C12orf75: variants seen among roughly 807,000 people sequenced by gnomAD.
The protein encoded by C12orf75 is overexpressed in colon carcinoma 1 protein.
C12orf75 carries 4 observed loss-of-function variants against 11.4 expected under a neutral mutation model. The ratio of observed to expected loss-of-function variants is 0.35; its 90% CI spans 0.17 to 0.80. The LOEUF is 0.80. Among genes scored for constraint, C12orf75 ranks in the 30% least tolerant of loss-of-function variants. The pLI is 0.52. For synonymous variants in C12orf75, 30 were observed against 30.0 expected, an observed-to-expected ratio of 1.00 and a Z score of 0.00; for missense variants, 89 against 80.4, an observed-to-expected ratio of 1.11 and a Z score of -0.41.
At chr12:105,370,473 C>T (rs1167251215) in intron 5 of C12orf75, among the ~76,000 whole-genome samples, 161 bp from the exon 6 acceptor site, 1 of 152,184 alleles carries the variant, frequency 6.6e-6, no homozygotes, top group African/African-American at 2.4e-5. Context: ...ATGCTTGGCT[C>T]TACACTGGCC....
At chr12:105,341,541 G>C (rs371872816) in intron 1 of C12orf75, among the ~76,000 whole-genome samples, 2 of 152,170 alleles carry the variant, frequency 1.3e-5, no homozygotes, top group Admixed American at 6.5e-5. Context: ...TGATTTGCTA[G>C]AATAGCTCAC....
In C12orf75 at chr12:105,368,776, A is replaced by G. The variant is rs968739375; in HGVS notation, c.*33+1267A>G. On this transcript the variant is annotated intron_variant, in intron 5 of 5. Transcript: ENST00000443585. ...AACCAGTTTCTTCCTGACAAGAACT[A>G]GAACAATCTGTGGGTAGCTACTTCT... is the stretch of plus-strand genomic sequence containing the variant. 3.4e-4 allele frequency among the ~76,000 whole-genome samples: 52 copies of G among 152,210 alleles called. 1 individual carries two copies. Among genetic ancestry groups the G allele is most frequent in the African/African-American group, 1.2e-3 (50 of 41,454 alleles).
rs561434255 is a variant in C12orf75, at chr12:105,342,915, C to T, written c.47-5687C>T. ...ATTTTTAATTAACTGAGACTTCTGT[C>T]ATTGAGACTGATGAATAAAATGTTA... is the stretch of plus-strand genomic sequence containing the variant. On this transcript the variant is annotated intron_variant, in intron 1 of 5. Transcript: ENST00000443585. 2.0e-5 allele frequency among the ~76,000 whole-genome samples: 3 copies of T among 152,286 alleles called. No individual in the cohort carries two copies. In the South Asian group the frequency reaches 6.2e-4, roughly 32 times the overall value.
At chr12:105,366,069 A>C in intron 3 of C12orf75, 1 of 538,998 alleles carries the variant, frequency 1.9e-6, no homozygotes, top group Non-Finnish European at 3.3e-6. Context: ...GCGTGTGCTA[A>C]TTTTCATCCT....
chr12:105,331,021 G>T (rs1303576430), intron 1 of C12orf75, 84 bp downstream of exon 1: 2 of 863,206 alleles, frequency 2.3e-6, no homozygotes, highest in Admixed American at 4.3e-5. Context: ...TGGGTGGGGG[G>T]CGCGCAGCCC....
chr12:105,344,227 C>T (rs1892608507), intron 1 of C12orf75, among the ~76,000 whole-genome samples: 1 of 152,208 alleles, frequency 6.6e-6, no homozygotes, highest in Non-Finnish European at 1.5e-5. Flanking sequence ...TTCCTAGCTG[C>T]ATTTGTTGGC....
chr12:105,364,245 T>G (rs1871390108), intron 2 of C12orf75, among the ~76,000 whole-genome samples: 1 of 152,244 alleles, frequency 6.6e-6, no homozygotes, highest in Admixed American at 6.5e-5. Context: ...AAATCCATTT[T>G]AATTAAAAGT....
intron 1 of C12orf75, among the ~76,000 whole-genome samples, chr12:105,346,967 G>A (rs1461070487): frequency 6.6e-6 from 1 of 152,210 alleles, no homozygotes; most frequent in Non-Finnish European, 1.5e-5. Flanking sequence ...TTTGTGTTAA[G>A]TGTTTACATT....
intron 1 of C12orf75, among the ~76,000 whole-genome samples, chr12:105,335,969 AC>A (rs1892495647): frequency 6.6e-6 from 1 of 152,254 alleles, no homozygotes; most frequent in Non-Finnish European, 1.5e-5. Flanking sequence ...AGAAAATAGA[AC>A]CTCAGGAAGT....
intron 2 of C12orf75, among the ~76,000 whole-genome samples, chr12:105,356,022 G>A (rs1359560376): frequency 6.6e-6 from 1 of 152,140 alleles, no homozygotes; most frequent in African/African-American, 2.4e-5. Flanking sequence ...ATTGGCCAAT[G>A]GGCTCATCCA....
chr12:105,354,229 A>G (rs1250072970), intron 2 of C12orf75, among the ~76,000 whole-genome samples: 2 of 152,158 alleles, frequency 1.3e-5, no homozygotes, highest in Admixed American at 6.5e-5. Flanking sequence ...CCCCTTCACC[A>G]TTTGCTAGCT....
chr12:105,338,326 C>CA (rs1892521374), intron 1 of C12orf75, among the ~76,000 whole-genome samples: 1 of 152,126 alleles, frequency 6.6e-6, no homozygotes, highest in African/African-American at 2.4e-5. Flanking sequence ...AGGCATGCAC[C>CA]ACCGCACCCA....
At chr12:105,363,759 G>A (rs1798254567) in intron 2 of C12orf75, among the ~76,000 whole-genome samples, 1 of 151,346 alleles carries the variant, frequency 6.6e-6, no homozygotes, top group East Asian at 1.9e-4. Flanking sequence ...CATCTTATAA[G>A]TCTTTATAGG....
chr12:105,337,908 A>C (rs1263430417), intron 1 of C12orf75, among the ~76,000 whole-genome samples: 1 of 152,212 alleles, frequency 6.6e-6, no homozygotes, highest in Non-Finnish European at 1.5e-5. Flanking sequence ...TCCTTGCTTC[A>C]AAGTGTAACT....
chr12:105,358,831 C>G (rs1000882932), intron 2 of C12orf75, among the ~76,000 whole-genome samples: 3 of 152,108 alleles, frequency 2.0e-5, no homozygotes, highest in Non-Finnish European at 4.4e-5. Flanking sequence ...TAATGTAAAT[C>G]CTTTAGTACT....
intron 1 of C12orf75, among the ~76,000 whole-genome samples, chr12:105,338,873 A>G (rs1051956084): frequency 2.0e-5 from 3 of 152,150 alleles, no homozygotes; most frequent in Non-Finnish European, 2.9e-5. Flanking sequence ...CCCCACCCCC[A>G]TGAGATTTGG....
chr12:105,345,386 A>C (rs574535487), intron 1 of C12orf75, among the ~76,000 whole-genome samples: 1 of 152,108 alleles, frequency 6.6e-6, no homozygotes, highest in Non-Finnish European at 1.5e-5. Flanking sequence ...GCTACTCAGG[A>C]GGCTGAGGCA....
At chr12:105,340,520 G>A (rs550127950) in intron 1 of C12orf75, among the ~76,000 whole-genome samples, 3 of 151,512 alleles carry the variant, frequency 2.0e-5, no homozygotes, top group South Asian at 2.1e-4. Flanking sequence ...CGTTTGTGTC[G>A]TGCATGATAC....
At chr12:105,355,540 T>C (rs998268242) in intron 2 of C12orf75, among the ~76,000 whole-genome samples, 6 of 152,120 alleles carry the variant, frequency 3.9e-5, no homozygotes, top group African/African-American at 1.2e-4. Flanking sequence ...GGTCAAAATC[T>C]TTGGTGCTCT....
Sources: allele counts gnomAD v4.1 joint callset (sites outside exome capture counted in the v4.1 genomes callset), GRCh38; gene constraint gnomAD v4.1.1; transcripts MANE v1.5; gene names NCBI Gene and HGNC (gene_info 2026-07-23, HGNC 2026-07-21).